The following RYR2 variants were observed in gnomAD, a reference collection of about 807,000 sequenced individuals.
The protein encoded by RYR2 is ryanodine receptor 2, also known as cardiac muscle ryanodine receptor-calcium release channel.
A neutral mutation model predicts 601.1 loss-of-function variants in RYR2; 227 were observed. The observed-to-expected ratio is 0.38, with a 90% CI of 0.34 to 0.42. The LOEUF (loss-of-function observed/expected upper bound fraction) is 0.42. RYR2 is among the 10% of genes least tolerant of loss of function. RYR2 has a pLI of 1.00. For missense variants in RYR2, 4,646 were observed against 6,156.5 expected (o/e 0.75, Z 8.21); for synonymous variants, 2,223 against 2,175.1 (o/e 1.02, Z -0.61).
In RYR2 at chr1:237,145,863, C is replaced by T. The variant is rs559894446; in HGVS notation, c.48+103294C>T. Among the ~76,000 whole-genome samples, 8 of 152,216 alleles carry T rather than the reference C, an allele frequency of 5.3e-5. No homozygotes were observed. The East Asian group carries it at 5.8e-4, about 11-fold the overall frequency. Reference sequence around the variant, plus strand: ...TAGATGCCTCAGCTATATTTTTAAACGAGGGGGTTTCTGACTGTCAAGGTC... The same window carrying T: ...TAGATGCCTCAGCTATATTTTTAAATGAGGGGGTTTCTGACTGTCAAGGTC... On this transcript the variant is annotated intron_variant, in intron 1 of 104. Transcript: ENST00000366574.
At position 237,180,136 on chromosome 1, in the gene RYR2, G is replaced by T. The variant is rs1053278621; in HGVS notation, c.49-90361G>T. ...TTCAGGATCCTCAGTGATGAGAATTGGTTGTGAGTTAGAGCCTGGGACAAT... is the reference window on the plus strand; with the variant it reads ...TTCAGGATCCTCAGTGATGAGAATTTGTTGTGAGTTAGAGCCTGGGACAAT... On this transcript the variant is annotated intron_variant, in intron 1 of 104. Transcript: ENST00000366574. The surrounding 1 kb of genome is among the most constrained non-coding windows in gnomAD (Gnocchi z 5.3). 3.3e-5 allele frequency among the ~76,000 whole-genome samples: 5 copies of T among 152,010 alleles called. No individual in the cohort carries two copies. Among genetic ancestry groups the T allele is most frequent in the African/African-American group, 1.2e-4 (5 of 41,312 alleles).
At chr1:237,414,307 C>A (rs1380493240) in intron 10 of RYR2, among the ~76,000 whole-genome samples, 1 of 152,044 alleles carries the variant, frequency 6.6e-6, no homozygotes, top group East Asian at 1.9e-4. Flanking sequence ...AATATACAAC[C>A]AAGGTTAAGT....
intron 34 of RYR2, among the ~76,000 whole-genome samples, chr1:237,598,831 C>T (rs942174637): frequency 6.6e-6 from 1 of 151,876 alleles, no homozygotes; most frequent in Non-Finnish European, 1.5e-5. Context: ...AGAGACTAAA[C>T]AATACAAAAG....
At position 237,344,634 on chromosome 1, in the gene RYR2, C is replaced by T. The variant is rs569114749; in HGVS notation, c.274-11331C>T. On this transcript the variant is annotated intron_variant, in intron 3 of 104. Coordinates refer to ENST00000366574, the MANE Select transcript of RYR2 (RefSeq NM_001035.3). ...AGTAATATTTCTACTCGTAGAGTTC[C>T]TTATCACTGGGTGTTCACATTTTCT... Among the ~76,000 whole-genome samples, 11 of 152,214 alleles carry T rather than the reference C, an allele frequency of 7.2e-5. No individual in the cohort carries two copies. The East Asian group carries it at 1.9e-3, about 27-fold the overall frequency.
At position 237,589,886 on chromosome 1, in the gene RYR2, G is replaced by T. The variant is rs753344317; in HGVS notation, c.3692G>T (p.Gly1231Val). Residue 1231 changes from glycine (G) to valine (V), a missense_variant, in exon 30 of 105, where the codon GGC becomes GTC. Coordinates refer to ENST00000366574, the MANE Select transcript of RYR2 (RefSeq NM_001035.3). ...ACCTTGAAATATTTCACCATCTGTG[G>T]CTTACAAGAGGGCTATGAACCATTT... Reference protein sequence around the residue: ...VSTLKYFTICGLQEGYEPFAV... With the variant: ...VSTLKYFTICVLQEGYEPFAV... The T allele has an allele frequency of 6.2e-7, 1 of 1,613,866 alleles. No homozygotes were observed. The highest frequency in any genetic ancestry group is 1.3e-5 in the African/African-American group (1 of 75,012).
chr1:237,055,420 C>A (rs561610314), intron 1 of RYR2, among the ~76,000 whole-genome samples: 1 of 152,068 alleles, frequency 6.6e-6, no homozygotes, highest in Non-Finnish European at 1.5e-5. Flanking sequence ...AGAGCGGGAC[C>A]GGAGCTGAGA....
rs184520612 is a variant in RYR2, at chr1:237,144,001, C to T, written c.48+101432C>T. On this transcript the variant is annotated intron_variant, in intron 1 of 104. Transcript: ENST00000366574. ...AAAATTAGCTGCGCATGGTGACATGCGCCTGTAGTCCCAGCTACTCAGGAG... is the reference window on the plus strand; with the variant it reads ...AAAATTAGCTGCGCATGGTGACATGTGCCTGTAGTCCCAGCTACTCAGGAG... Among the ~76,000 whole-genome samples the T allele has an allele frequency of 5.6e-4, 85 of 152,072 alleles. 1 individual carries two copies. In the East Asian group the frequency reaches 0.016, roughly 28 times the overall value.
At chr1:237,137,740 T>G (rs1277924943) in intron 1 of RYR2, among the ~76,000 whole-genome samples, 1 of 152,248 alleles carries the variant, frequency 6.6e-6, no homozygotes, top group Admixed American at 6.5e-5. Context: ...AAGTAATTTT[T>G]TTGTAAGGCA....
chr1:237,690,998 ATTAATCTAT>A (rs1351260320), intron 63 of RYR2, among the ~76,000 whole-genome samples: 1 of 152,210 alleles, frequency 6.6e-6, no homozygotes, highest in African/African-American at 2.4e-5. Flanking sequence ...ATATGGTCAT[ATTAATCTAT>A]TCTTTTTCAG....
At chr1:237,732,204 GTCTGAGTATTC>G in intron 78 of RYR2, 55 bp downstream of exon 78, 2 of 1,028,912 alleles carry the variant, frequency 1.9e-6, no homozygotes, top group Non-Finnish European at 3.0e-6. Flanking sequence ...AGACACCCGT[GTCTGAGTATTC>G]TGTGCCATGT....
intron 1 of RYR2, among the ~76,000 whole-genome samples, chr1:237,190,227 C>T (rs1190644172): frequency 6.6e-6 from 1 of 152,058 alleles, no homozygotes; most frequent in African/African-American, 2.4e-5. Context: ...TTTACATTTC[C>T]ACCAACAGTG....
Position 237,709,471 on chromosome 1 carries a change from G to T in RYR2, c.10143-9G>T, listed in dbSNP as rs766068995. The T allele has an allele frequency of 6.4e-7, 1 of 1,573,046 alleles. No individual in the cohort carries two copies. On this transcript the variant is annotated splice_polypyrimidine_tract_variant and intron_variant, in intron 69 of 104. Transcript: ENST00000366574. ...GCTGAGAAACCACTTTATTTATTATGTGATCCAGGGCAAAGTGGCTAAAGG... is the reference window on the plus strand; with the variant it reads ...GCTGAGAAACCACTTTATTTATTATTTGATCCAGGGCAAAGTGGCTAAAGG...
intron 1 of RYR2, among the ~76,000 whole-genome samples, chr1:237,269,332 C>A (rs145099572): frequency 2.6e-5 from 4 of 151,498 alleles, no homozygotes; most frequent in Non-Finnish European, 5.9e-5. Flanking sequence ...TGTGAGCCAC[C>A]GCGCCCGGCC....
chr1:237,092,284 C>G (rs1323056385), intron 1 of RYR2, among the ~76,000 whole-genome samples: 1 of 151,978 alleles, frequency 6.6e-6, no homozygotes. Context: ...GCTGAAATAT[C>G]CTTAGGTACG....
intron 23 of RYR2, among the ~76,000 whole-genome samples, chr1:237,510,901 C>T (rs1665823300): frequency 6.6e-6 from 1 of 152,164 alleles, no homozygotes; most frequent in Non-Finnish European, 1.5e-5. Flanking sequence ...ATAAAAACCA[C>T]CTGCATATGA....
At chr1:237,251,028 ATGTG>A (rs3056167) in intron 1 of RYR2, among the ~76,000 whole-genome samples, 34,476 of 139,136 alleles carry the variant, frequency 0.25, 4,792 homozygotes, top group African/African-American at 0.41. Context: ...TCCCCAACAG[ATGTG>A]TGTGTGTGTG....
chr1:237,609,949 A>T (rs559580731), intron 35 of RYR2, among the ~76,000 whole-genome samples: 1 of 151,712 alleles, frequency 6.6e-6, no homozygotes, highest in Admixed American at 6.6e-5. Flanking sequence ...TTCCCCGCCT[A>T]TTGTTAGAGG....
chr1:237,450,009 G>A (rs1165813658), intron 14 of RYR2, among the ~76,000 whole-genome samples: 1 of 152,028 alleles, frequency 6.6e-6, no homozygotes, highest in African/African-American at 2.4e-5. Context: ...TTACTCTGGG[G>A]CAAGTGATTC....
intron 67 of RYR2, 124 bp from the exon 68 acceptor site, chr1:237,706,825 G>C (rs1318410927): frequency 1.3e-6 from 1 of 750,846 alleles, no homozygotes; most frequent in East Asian, 2.5e-5. Flanking sequence ...GAAGGAGCCA[G>C]TTGCAGGCAT....
Sources: gnomAD v4.1 joint callset for allele counts (sites outside exome capture counted in the v4.1 genomes callset) on GRCh38, gnomAD v4.1.1 for gene constraint, Gnocchi (gnomAD v3.1) non-coding constraint, MANE v1.5 for transcripts, NCBI Gene and HGNC (gene_info 2026-07-23, HGNC 2026-07-21) for gene names.